The following HTR4 variants were observed in gnomAD, a reference collection of about 807,000 sequenced individuals.
HTR4 encodes the protein 5-hydroxytryptamine (serotonin) receptor 4, G protein-coupled.
Under a neutral mutation model 36.8 loss-of-function variants are expected in HTR4, and 16 were observed. That is an observed-to-expected ratio of 0.43 (90% CI 0.29 to 0.66). The LOEUF (loss-of-function observed/expected upper bound fraction) is 0.66. Ranked by LOEUF, HTR4 falls within the 30% of genes least tolerant of loss-of-function variation. The probability of loss-of-function intolerance (pLI) is 0.13; values close to 1 mark genes in which losing one functional copy is unlikely to be tolerated. For missense variants in HTR4, 438 were observed against 490.9 expected, an observed-to-expected ratio of 0.89 and a Z score of 1.02; for synonymous variants, 189 against 185.1, an observed-to-expected ratio of 1.02 and a Z score of -0.17.
chr5:148,633,814 A>G (rs2127303089), intron 2 of HTR4, among the ~76,000 whole-genome samples: 1 of 152,156 alleles, frequency 6.6e-6, no homozygotes, highest in East Asian at 1.9e-4. Flanking sequence ...GTTGGCCATG[A>G]TTGCATTTTC....
At position 148,499,342 on chromosome 5, in the gene HTR4, T is replaced by A. The variant is rs181257122; in HGVS notation, c.1076+10114A>T. 5.3e-5 allele frequency among the ~76,000 whole-genome samples: 8 copies of A among 152,300 alleles called. No individual in the cohort carries two copies. The East Asian group carries it at 1.5e-3, about 29-fold the overall frequency. ...AAATGGAAGGAGGTCTCTAGTGACC[T>A]GTCCAGTACTTTTTAAATGTTTGCC... On this transcript the variant is annotated intron_variant, in intron 6 of 6. Transcript: ENST00000377888.
At chr5:148,625,581 G>T (rs1033137948) in intron 2 of HTR4, among the ~76,000 whole-genome samples, 4 of 151,856 alleles carry the variant, frequency 2.6e-5, no homozygotes, top group African/African-American at 4.8e-5. Context: ...TTTGTTTGGG[G>T]TTTTTTTGTT....
chr5:148,578,941 C>T (rs1761031397), intron 2 of HTR4, among the ~76,000 whole-genome samples: 1 of 152,080 alleles, frequency 6.6e-6, no homozygotes, highest in African/African-American at 2.4e-5. Flanking sequence ...CTTTTGCCCA[C>T]TTCTCCTAAT....
intron 2 of HTR4, chr5:148,629,051 T>C (rs1004707319): frequency 6.6e-6 from 1 of 152,088 alleles, no homozygotes. Context: ...ATCCGCTGAT[T>C]TGCACAAGTC....
At chr5:148,505,910 G>C (rs996945782) in intron 6 of HTR4, among the ~76,000 whole-genome samples, 1 of 152,148 alleles carries the variant, frequency 6.6e-6, no homozygotes, top group African/African-American at 2.4e-5. Context: ...CATGCTCATG[G>C]ATAGGAAGAA....
At chr5:148,457,980 AT>A (rs1374537290) in intron 5 of HTR4, among the ~76,000 whole-genome samples, 24 of 98,140 alleles carry the variant, frequency 2.4e-4, no homozygotes, top group Admixed American at 5.2e-4. Context: ...ATATATTTTA[AT>A]GATATATTTA....
intron 5 of HTR4, among the ~76,000 whole-genome samples, chr5:148,469,705 C>A (rs1328409008): frequency 6.6e-6 from 1 of 152,234 alleles, no homozygotes; most frequent in African/African-American, 2.4e-5. Flanking sequence ...AGCTTCCTGT[C>A]TGCATAACCA....
intron 2 of HTR4, among the ~76,000 whole-genome samples, chr5:148,627,580 T>A (rs1488907471): frequency 6.6e-6 from 1 of 152,152 alleles, no homozygotes; most frequent in African/African-American, 2.4e-5. Flanking sequence ...CAAAGATGAG[T>A]ATGTTGTATA....
intron 2 of HTR4, among the ~76,000 whole-genome samples, chr5:148,598,483 T>C (rs954029479): frequency 1.3e-5 from 2 of 151,726 alleles, no homozygotes; most frequent in East Asian, 1.9e-4. Context: ...ACCCGGGAGA[T>C]GGAGGTTGCA....
At chr5:148,570,321 T>A (rs1198006048) in intron 2 of HTR4, among the ~76,000 whole-genome samples, 1 of 152,098 alleles carries the variant, frequency 6.6e-6, no homozygotes, top group Non-Finnish European at 1.5e-5. Context: ...GTCCCTTCCC[T>A]CAGGGAGCTC....
intron 2 of HTR4, among the ~76,000 whole-genome samples, chr5:148,633,528 C>A (rs963086176): frequency 6.9e-6 from 1 of 144,152 alleles, no homozygotes; most frequent in East Asian, 2.2e-4. Flanking sequence ...ATCCCTCCCC[C>A]CTCCCCCAAC....
At chr5:148,622,822 C>T (rs992022363) in intron 2 of HTR4, among the ~76,000 whole-genome samples, 2 of 152,056 alleles carry the variant, frequency 1.3e-5, no homozygotes, top group African/African-American at 4.8e-5. Context: ...TATTACTAGC[C>T]AGAATTGTTA....
intron 2 of HTR4, among the ~76,000 whole-genome samples, chr5:148,586,256 T>G (rs546097495): frequency 6.6e-6 from 1 of 152,232 alleles, no homozygotes; most frequent in East Asian, 1.9e-4. Flanking sequence ...GTGATGCTGT[T>G]AGCTCTAGAA....
rs556542394 is a variant in HTR4, at chr5:148,615,835, C to T, written c.26+21154G>A. Among the ~76,000 whole-genome samples, 9 of 152,284 alleles carry T rather than the reference C, an allele frequency of 5.9e-5. No homozygotes were observed. The East Asian group carries it at 1.7e-3, about 29-fold the overall frequency. On this transcript the variant is annotated intron_variant, in intron 2 of 6. Transcript: ENST00000377888. The stretch of plus-strand genomic sequence containing the variant: ...ATGCTGATTCAGGACTTTCACTTGT[C>T]AATCAATTTCTCCAGCGGGAGCCAA...
At chr5:148,558,844 C>G (rs1233292693) in intron 2 of HTR4, among the ~76,000 whole-genome samples, 1 of 152,192 alleles carries the variant, frequency 6.6e-6, no homozygotes, top group Non-Finnish European at 1.5e-5. Flanking sequence ...TTAACTTCAT[C>G]CAGTGCAATT....
intron 6 of HTR4, among the ~76,000 whole-genome samples, chr5:148,485,358 A>G (rs1339376639): frequency 6.6e-6 from 1 of 152,116 alleles, no homozygotes; most frequent in Non-Finnish European, 1.5e-5. Context: ...TGACACCAGC[A>G]CCTGTGCTAG....
intron 5 of HTR4, among the ~76,000 whole-genome samples, chr5:148,516,661 C>T (rs989637314): frequency 6.8e-6 from 1 of 147,562 alleles, no homozygotes; most frequent in Non-Finnish European, 1.5e-5. Context: ...TATCTAATTA[C>T]TCCATTATCT....
intron 2 of HTR4, among the ~76,000 whole-genome samples, chr5:148,602,130 G>A (rs1288180879): frequency 6.6e-6 from 1 of 152,102 alleles, no homozygotes. Context: ...CTTATGTTAA[G>A]TGTTCTTACC....
At chr5:148,576,120 A>ACAAAC (rs1460901079) in intron 2 of HTR4, among the ~76,000 whole-genome samples, 2 of 130,782 alleles carry the variant, frequency 1.5e-5, no homozygotes, top group African/African-American at 5.7e-5. Context: ...CAAAAAAAAA[A>ACAAAC]AAAAAAAAAA....
Sources: gnomAD v4.1 joint callset for allele counts (sites outside exome capture counted in the v4.1 genomes callset) on GRCh38, gnomAD v4.1.1 for gene constraint, MANE v1.5 for transcripts, NCBI Gene and HGNC (gene_info 2026-07-23, HGNC 2026-07-21) for gene names.